FAM110B: variants seen among roughly 807,000 people sequenced by gnomAD.
FAM110B encodes the protein protein FAM110B.
FAM110B carries 6 observed loss-of-function variants against 20.4 expected under a neutral mutation model. The ratio of observed to expected loss-of-function variants is 0.29; its 90% confidence interval spans 0.16 to 0.58. The LOEUF is 0.58. Ranked by LOEUF, FAM110B falls within the 20% of genes least tolerant of loss-of-function variation. The pLI is 0.90. For missense variants in FAM110B, 434 were observed against 498.2 expected (o/e 0.87, Z 1.23); for synonymous variants, 226 against 214.1 (o/e 1.06, Z -0.49).
At chr8:58,098,386 C>T (rs1293985101) in intron 3 of FAM110B, among the ~76,000 whole-genome samples, 1 of 152,202 alleles carries the variant, frequency 6.6e-6, no homozygotes, top group East Asian at 1.9e-4. Context: ...TGACAGATGC[C>T]CCTCTCCCAA....
rs536261002 is a variant in FAM110B, at chr8:58,079,524, C to T, written c.-325+3901C>T. On this transcript the variant is annotated intron_variant, in intron 3 of 3. Transcript: ENST00000519262. ...GGTGTTGGTGGCTTACGCTTGTAATCGCAGCACTTTTGGAGGCTGAGTTAG... is the reference window on the plus strand; with the variant it reads ...GGTGTTGGTGGCTTACGCTTGTAATTGCAGCACTTTTGGAGGCTGAGTTAG... 9.9e-5 allele frequency among the ~76,000 whole-genome samples: 15 copies of T among 152,214 alleles called. No homozygotes were observed. In the East Asian group the frequency reaches 2.3e-3, roughly 23 times the overall value.
Position 58,147,848 on chromosome 8 carries a change from A to G in FAM110B, c.*505A>G, listed in dbSNP as rs1221797733. ...CCAGGCTGGGTTTTCTGTGGAATAA[A>G]GTGGTGAGCCTGACGTTAATCGTTT... On this transcript the variant is annotated 3_prime_UTR_variant, in exon 4 of 4. Coordinates refer to ENST00000519262, the MANE Select transcript of FAM110B (RefSeq NM_001377989.1). 5.8e-6 allele frequency: 1 copy of G among 172,750 alleles called. No homozygotes were observed. The highest frequency in any genetic ancestry group is 1.9e-4 in the East Asian group (1 of 5,314). The allele number at this position is 172,750 out of a possible 1,614,324, so 10.7% of individuals were successfully genotyped here.
intron 2 of FAM110B, among the ~76,000 whole-genome samples, chr8:58,050,613 A>T (rs1222417220): frequency 9.2e-5 from 14 of 152,204 alleles, no homozygotes; most frequent in Admixed American, 9.2e-4. Flanking sequence ...TCTCAGGAAC[A>T]TTGCAGCCAA....
intron 3 of FAM110B, among the ~76,000 whole-genome samples, chr8:58,092,880 C>G (rs183930836): frequency 8.1e-4 from 123 of 152,272 alleles, no homozygotes; most frequent in Non-Finnish European, 1.4e-3. Context: ...AAAAGCATTC[C>G]TATTTCTCCA....
intron 3 of FAM110B, among the ~76,000 whole-genome samples, chr8:58,137,288 G>C (rs540856942): frequency 6.6e-6 from 1 of 152,258 alleles, no homozygotes; most frequent in African/African-American, 2.4e-5. Context: ...GGCCAGGCAC[G>C]GTGGCTCATG....
chr8:58,034,948 G>C (rs1038591258), intron 2 of FAM110B, among the ~76,000 whole-genome samples: 1 of 152,176 alleles, frequency 6.6e-6, no homozygotes, highest in East Asian at 1.9e-4. Context: ...GGGAAGAATG[G>C]CCGCAAGTTC....
intron 1 of FAM110B, among the ~76,000 whole-genome samples, chr8:58,025,363 T>C (rs1414697892): frequency 6.6e-6 from 1 of 152,094 alleles, no homozygotes. Context: ...GGGTAGCATG[T>C]GCACAGTGGG....
intron 3 of FAM110B, among the ~76,000 whole-genome samples, chr8:58,140,560 C>T (rs1803718394): frequency 6.6e-6 from 1 of 152,174 alleles, no homozygotes; most frequent in Non-Finnish European, 1.5e-5. Flanking sequence ...TCTGTGCAGC[C>T]ACACTTAATC....
chr8:57,999,814 T>C (rs1358024304), intron 1 of FAM110B, among the ~76,000 whole-genome samples: 1 of 152,292 alleles, frequency 6.6e-6, no homozygotes, highest in East Asian at 1.9e-4. Flanking sequence ...CTTTTCCATC[T>C]GGGCTTGGTG....
chr8:58,016,693 G>A (rs1161364529), intron 1 of FAM110B, among the ~76,000 whole-genome samples: 1 of 152,170 alleles, frequency 6.6e-6, no homozygotes, highest in Admixed American at 6.5e-5. Context: ...AAGTGCTCCA[G>A]TCTGTGTTTG....
At chr8:58,101,247 A>G (rs958835801) in intron 3 of FAM110B, among the ~76,000 whole-genome samples, 1 of 152,192 alleles carries the variant, frequency 6.6e-6, no homozygotes, top group African/African-American at 2.4e-5. Flanking sequence ...GATTTTGTAA[A>G]TCTGTAATTT....
intron 2 of FAM110B, among the ~76,000 whole-genome samples, chr8:58,068,462 G>A (rs1453573143): frequency 1.3e-5 from 2 of 152,112 alleles, no homozygotes; most frequent in Admixed American, 6.5e-5. Context: ...ACAGTTTGTG[G>A]TACACAAAGA....
intron 3 of FAM110B, among the ~76,000 whole-genome samples, chr8:58,118,111 T>C (rs888177128): frequency 8.5e-5 from 13 of 152,256 alleles, no homozygotes; most frequent in Admixed American, 5.9e-4. Flanking sequence ...TAAAAATGTT[T>C]ACCCCATTGT....
In FAM110B at chr8:58,129,720, T is replaced by C. The variant is rs58344671; in HGVS notation, c.-324-16187T>C. 1.1e-3 allele frequency among the ~76,000 whole-genome samples: 161 copies of C among 152,294 alleles called. 1 individual carries two copies. Among genetic ancestry groups the C allele is most frequent in the African/African-American group, 3.7e-3 (155 of 41,568 alleles). The stretch of plus-strand genomic sequence containing the variant: ...AGGGAGGAACAAAAGGCTGACAGCT[T>C]ACCAAGGCAGAGCCACACCCATGCA... On this transcript the variant is annotated intron_variant, in intron 3 of 3. Coordinates refer to ENST00000519262, the MANE Select transcript of FAM110B (RefSeq NM_001377989.1).
intron 1 of FAM110B, among the ~76,000 whole-genome samples, chr8:58,015,182 C>T (rs1804613568): frequency 6.6e-6 from 1 of 151,908 alleles, no homozygotes; most frequent in South Asian, 2.1e-4. Context: ...CTGGTGAAAC[C>T]CTGTCTCTAC....
chr8:58,044,647 G>A (rs1413674157), intron 2 of FAM110B, among the ~76,000 whole-genome samples: 1 of 152,116 alleles, frequency 6.6e-6, no homozygotes, highest in South Asian at 2.1e-4. Flanking sequence ...CATCAGCTTT[G>A]TAACTTTGCA....
At chr8:58,001,686 G>C (rs1804299748) in intron 1 of FAM110B, among the ~76,000 whole-genome samples, 1 of 152,036 alleles carries the variant, frequency 6.6e-6, no homozygotes, top group Non-Finnish European at 1.5e-5. Context: ...AAATCGCAGG[G>C]CCCTTTAATT....
intron 3 of FAM110B, among the ~76,000 whole-genome samples, chr8:58,081,924 C>A (rs1039304794): frequency 5.3e-5 from 8 of 151,920 alleles, no homozygotes; most frequent in Non-Finnish European, 1.0e-4. Flanking sequence ...TGGAATTATT[C>A]TTTGCTGTCT....
chr8:58,126,074 ACTC>A (rs1386750441), intron 3 of FAM110B, among the ~76,000 whole-genome samples: 2 of 151,872 alleles, frequency 1.3e-5, no homozygotes, highest in African/African-American at 4.8e-5. Context: ...CACCCTCATG[ACTC>A]CTCATCCTTA....
Sources: gnomAD v4.1 joint callset for allele counts (sites outside exome capture counted in the v4.1 genomes callset) on GRCh38, gnomAD v4.1.1 for gene constraint, MANE v1.5 for transcripts, NCBI Gene and HGNC (gene_info 2026-07-23, HGNC 2026-07-21) for gene names.